IL5: variants seen among roughly 807,000 people sequenced by gnomAD.
IL5 encodes interleukin-5.
Under a neutral mutation model 16.3 loss-of-function variants are expected in IL5, and 12 were observed. The ratio of observed to expected loss-of-function variants is 0.74; its 90% CI spans 0.47 to 1.20. The LOEUF is 1.20. IL5 is among the 50% of genes most tolerant of loss of function. The pLI is 0.00. For synonymous variants in IL5, 54 were observed against 56.6 expected, an observed-to-expected ratio of 0.95 and a Z score of 0.21; for missense variants, 159 against 153.9, an observed-to-expected ratio of 1.03 and a Z score of -0.17.
intron 2 of IL5, among the ~76,000 whole-genome samples, chr5:132,542,488 G>T (rs1749713780): frequency 1.3e-5 from 2 of 151,904 alleles, no homozygotes; most frequent in Admixed American, 1.3e-4. Flanking sequence ...TATGTAACTG[G>T]AAAAAAATGT....
At chr5:132,554,598 T>C (rs1171879342) in intron 1 of IL5, among the ~76,000 whole-genome samples, 1 of 152,170 alleles carries the variant, frequency 6.6e-6, no homozygotes, top group Non-Finnish European at 1.5e-5. Context: ...TTGGTGGGAA[T>C]GTCAAATGGT....
At chr5:132,549,465 G>A (rs145256078) in intron 1 of IL5, among the ~76,000 whole-genome samples, 93 of 152,232 alleles carry the variant, frequency 6.1e-4, no homozygotes, top group African/African-American at 1.7e-3. Flanking sequence ...CTACAGAGAC[G>A]GAGGCAATGT....
intron 1 of IL5, among the ~76,000 whole-genome samples, chr5:132,550,230 T>G (rs1305029442): frequency 1.3e-5 from 2 of 152,224 alleles, no homozygotes; most frequent in African/African-American, 4.8e-5. Context: ...TTTAAAAATT[T>G]TCCTTATGCT....
chr5:132,551,304 G>T (rs1392024585), intron 1 of IL5, among the ~76,000 whole-genome samples: 1 of 152,168 alleles, frequency 6.6e-6, no homozygotes, highest in Non-Finnish European at 1.5e-5. Flanking sequence ...ATTTTCAAGA[G>T]ATACACAATG....
upstream of IL5, among the ~76,000 whole-genome samples, chr5:132,546,974 T>C (rs1344262302): frequency 6.6e-6 from 1 of 152,130 alleles, no homozygotes; most frequent in Non-Finnish European, 1.5e-5. Flanking sequence ...TGCAGTGAGC[T>C]GAGATCACGC....
Position 132,543,420 on chromosome 5 carries a change from A to G in IL5, c.59T>C (p.Ile20Thr), listed in dbSNP as rs1014365012. 1 of 1,614,146 alleles carries G rather than the reference A, an allele frequency of 6.2e-7. No homozygotes were observed. Reference sequence around the variant, plus strand: ...TGCACTTGTGGGAATTTCTGTGGGGATGGCATACACGTAGGCAGCTCCAAG... The same window carrying G: ...TGCACTTGTGGGAATTTCTGTGGGGGTGGCATACACGTAGGCAGCTCCAAG... ...LALGAAYVYA[I>T]PTEIPTSALV... Residue 20 changes from isoleucine (I) to threonine (T), a missense_variant, in exon 1 of 4, where the codon ATC becomes ACC. Ile to Thr is a moderately conservative substitution (Grantham distance 89, BLOSUM62 -1). Transcript: ENST00000231454.
At chr5:132,552,140 A>C (rs1437689233) in intron 1 of IL5, among the ~76,000 whole-genome samples, 1 of 152,014 alleles carries the variant, frequency 6.6e-6, no homozygotes, top group Non-Finnish European at 1.5e-5. Context: ...TTGGTGGTGC[A>C]CGCCTGTAGT....
chr5:132,552,501 G>C (rs958447308), intron 1 of IL5, among the ~76,000 whole-genome samples: 2 of 152,036 alleles, frequency 1.3e-5, no homozygotes, highest in Non-Finnish European at 2.9e-5. Context: ...CCCAATCCTA[G>C]AGCTTTTATC....
chr5:132,554,993 A>T (rs1045168640), intron 1 of IL5, among the ~76,000 whole-genome samples: 9 of 152,194 alleles, frequency 5.9e-5, no homozygotes, highest in African/African-American at 2.2e-4. Context: ...TCGACCTCAC[A>T]TCATCAGGCA....
chr5:132,543,273 G>C (rs1749728670), intron 1 of IL5, 62 bp downstream of exon 1: 1 of 1,494,844 alleles, frequency 6.7e-7, no homozygotes, highest in Admixed American at 1.8e-5. Flanking sequence ...ATATAGTAAA[G>C]GAACCATCAC....
intron 1 of IL5, among the ~76,000 whole-genome samples, chr5:132,552,098 G>A (rs1043160421): frequency 6.6e-6 from 1 of 152,078 alleles, no homozygotes; most frequent in Non-Finnish European, 1.5e-5. Flanking sequence ...GTGAAACCCC[G>A]TCTCTACTAA....
rs1226162736 is a variant in IL5 at position 132,543,193 on chromosome 5, T to C, written c.145-67A>G. 3 of 1,488,738 alleles carry C rather than the reference T, an allele frequency of 2.0e-6. No homozygotes were observed. The African/African-American group carries it at 4.2e-5, about 21-fold the overall frequency. 92.2% of individuals were successfully genotyped at this position (1,488,738 alleles called of 1,614,324 possible). A position where few individuals can be genotyped will look rare whatever the true frequency, so the allele number is the denominator to read the frequency against. On this transcript the variant is annotated intron_variant, in intron 1 of 3. Transcript: ENST00000231454. ...GCATTCATAACTTTTAACAGAATGTTTGCTGGTGATGTAGTTATCACCCAT... is the reference window on the plus strand; with the variant it reads ...GCATTCATAACTTTTAACAGAATGTCTGCTGGTGATGTAGTTATCACCCAT...
intron 1 of IL5, among the ~76,000 whole-genome samples, chr5:132,554,779 C>T (rs2706334): frequency 0.67 from 101,266 of 152,064 alleles, 36,193 homozygotes; most frequent in East Asian, 0.82. Context: ...ATAGCTAAAA[C>T]GTGAAAGTAA....
upstream of IL5, among the ~76,000 whole-genome samples, chr5:132,545,581 G>A (rs1046858136): frequency 1.3e-5 from 2 of 152,156 alleles, no homozygotes; most frequent in Non-Finnish European, 2.9e-5. Context: ...GAGCCCAGGA[G>A]TTCAAGACCA....
At chr5:132,544,183 T>C (rs1749748052), upstream of IL5, among the ~76,000 whole-genome samples, 1 of 152,202 alleles carries the variant, frequency 6.6e-6, no homozygotes, top group Admixed American at 6.5e-5. Context: ...TGGGCACCTT[T>C]CCCATTGAGG....
At chr5:132,543,645 A>G (rs1017531988), upstream of IL5, 2 of 471,480 alleles carry the variant, frequency 4.2e-6, no homozygotes, top group African/African-American at 2.0e-5. Flanking sequence ...CCAATGCCTT[A>G]TATCTTAAAA....
upstream of IL5, chr5:132,543,630 T>C (rs1580964817): frequency 1.7e-6 from 1 of 579,704 alleles, no homozygotes; most frequent in South Asian, 4.3e-5. Context: ...TGAAACTAAA[T>C]GTTTCCAATG....
chr5:132,550,098 C>T (rs1749860387), intron 1 of IL5, among the ~76,000 whole-genome samples: 2 of 152,010 alleles, frequency 1.3e-5, no homozygotes, highest in South Asian at 4.1e-4. Context: ...TAGTGATAAC[C>T]TGCTATTAGA....
At chr5:132,555,287 G>A (rs1247940889) in intron 1 of IL5, among the ~76,000 whole-genome samples, 1 of 152,154 alleles carries the variant, frequency 6.6e-6, no homozygotes, top group Non-Finnish European at 1.5e-5. Context: ...AAATGAGCCA[G>A]TCACAAAAAG....
Sources: gnomAD v4.1 joint callset for allele counts (sites outside exome capture counted in the v4.1 genomes callset) on GRCh38, gnomAD v4.1.1 for gene constraint, MANE v1.5 for transcripts, NCBI Gene and HGNC (gene_info 2026-07-23, HGNC 2026-07-21) for gene names.